PDE8B: variants seen among roughly 807,000 people sequenced by gnomAD.
PDE8B encodes the protein high affinity cAMP-specific and IBMX-insensitive 3',5'-cyclic phosphodiesterase 8B.
PDE8B carries 26 observed loss-of-function variants against 101.3 expected under a neutral mutation model. The ratio of observed to expected loss-of-function variants is 0.26; its 90% CI spans 0.19 to 0.36. The LOEUF is 0.36. Among genes scored for constraint, PDE8B ranks in the 10% least tolerant of loss-of-function variants. The pLI is 1.00. For missense variants in PDE8B, 810 were observed against 1,163.1 expected, an observed-to-expected ratio of 0.70 and a Z score of 4.42; for synonymous variants, 424 against 429.3, an observed-to-expected ratio of 0.99 and a Z score of 0.15.
chr5:77,121,263 TA>T, the PDE8B span, among the ~76,000 whole-genome samples: 1 of 152,196 alleles, frequency 6.6e-6, no homozygotes, highest in Admixed American at 6.5e-5. Flanking sequence ...GGTGGTGCAT[TA>T]CATGGCCCTT....
At chr5:77,107,228 A>G in the PDE8B span, among the ~76,000 whole-genome samples, 2 of 152,192 alleles carry the variant, frequency 1.3e-5, no homozygotes, top group Non-Finnish European at 2.9e-5. Context: ...AAAGGACACG[A>G]ACTCATCCTT....
chr5:77,392,037 G>A (rs551546875), intron 10 of PDE8B, among the ~76,000 whole-genome samples: 2 of 152,288 alleles, frequency 1.3e-5, no homozygotes, highest in South Asian at 2.1e-4. Flanking sequence ...AAATAAAAAT[G>A]TCCCATAATT....
chr5:77,350,216 A>C (rs1159962926), intron 8 of PDE8B, among the ~76,000 whole-genome samples: 1 of 152,214 alleles, frequency 6.6e-6, no homozygotes, highest in African/African-American at 2.4e-5. Flanking sequence ...GATGTGAAGT[A>C]GTTAAATAAG....
intron 10 of PDE8B, among the ~76,000 whole-genome samples, chr5:77,379,095 TCTGTAAAGGCTCTTGCAAA>T (rs1301103478): frequency 6.6e-6 from 1 of 152,212 alleles, no homozygotes; most frequent in African/African-American, 2.4e-5. Context: ...ACAGTACTTC[TCTGTAAAGGCTCTTGCAAA>T]TATGTGTAGA....
At chr5:77,362,873 C>A (rs59062505) in intron 10 of PDE8B, among the ~76,000 whole-genome samples, 9 of 152,076 alleles carry the variant, frequency 5.9e-5, no homozygotes, top group Non-Finnish European at 1.0e-4. Flanking sequence ...TGACTGCCCC[C>A]GGCCACCTCT....
intron 1 of PDE8B, among the ~76,000 whole-genome samples, chr5:77,234,474 C>T (rs1754271142): frequency 6.6e-6 from 1 of 152,114 alleles, no homozygotes; most frequent in African/African-American, 2.4e-5. Flanking sequence ...GTATTTAGTT[C>T]CCAGAGCAGA....
At position 77,220,107 on chromosome 5, in the gene PDE8B, C is replaced by T. The variant is rs1000923153; in HGVS notation, c.339+8843C>T. Among the ~76,000 whole-genome samples the T allele has an allele frequency of 2.0e-5, 3 of 152,308 alleles. No homozygotes were observed. In the South Asian group the frequency reaches 6.2e-4, roughly 32 times the overall value. ...GGGTCTGTGAAGCCAGTTTCAGGAC[C>T]CCTCCTCACCCAGTAGACTCTTGCA... On this transcript the variant is annotated intron_variant, in intron 1 of 21. Transcript: ENST00000264917.
intron 1 of PDE8B, among the ~76,000 whole-genome samples, chr5:77,278,474 C>G (rs963311816): frequency 4.2e-4 from 64 of 152,188 alleles, no homozygotes; most frequent in African/African-American, 1.5e-3. Context: ...AGAGATACTT[C>G]TTTTCTTTTT....
Position 77,392,287 on chromosome 5 carries a change from C to A in PDE8B, c.1168-7961C>A, listed in dbSNP as rs180757816. 6.1e-4 allele frequency among the ~76,000 whole-genome samples: 93 copies of A among 152,202 alleles called. 1 individual carries two copies. The highest frequency in any genetic ancestry group is 2.6e-3 in the Admixed American group (40 of 15,292). ...GGACAGGCCTATGCAGACCTACCCC[C>A]CAAAGTCTGAGGAAGCTGAGAGGCC... On this transcript the variant is annotated intron_variant, in intron 10 of 21. Transcript: ENST00000264917.
At chr5:77,330,193 T>G (rs776332731) in intron 4 of PDE8B, among the ~76,000 whole-genome samples, 12 of 152,214 alleles carry the variant, frequency 7.9e-5, no homozygotes, top group Non-Finnish European at 1.5e-4. Context: ...GAGATCTGAA[T>G]GAGGTCATAG....
At chr5:77,262,165 A>G (rs1455644214) in intron 1 of PDE8B, among the ~76,000 whole-genome samples, 1 of 151,900 alleles carries the variant, frequency 6.6e-6, no homozygotes, top group South Asian at 2.1e-4. Flanking sequence ...GTATGGGAAC[A>G]GGGGTGGCAC....
chr5:77,221,087 T>C (rs1310429615), intron 1 of PDE8B, among the ~76,000 whole-genome samples: 1 of 152,232 alleles, frequency 6.6e-6, no homozygotes, highest in Admixed American at 6.5e-5. Flanking sequence ...TAACTAGAAC[T>C]GTTTTTAAAA....
the PDE8B span, chr5:77,147,134 G>C: frequency 3.7e-6 from 1 of 270,080 alleles, no homozygotes; most frequent in Admixed American, 4.7e-5. Context: ...AGAAGAGGAA[G>C]ATGAAGATGA....
At chr5:77,215,690 G>A (rs540853034) in intron 1 of PDE8B, among the ~76,000 whole-genome samples, 1 of 152,336 alleles carries the variant, frequency 6.6e-6, no homozygotes, top group Admixed American at 6.5e-5. Context: ...TGCTGGTGAG[G>A]GCAGGGCAGA....
the PDE8B span, among the ~76,000 whole-genome samples, chr5:77,180,111 A>G: frequency 1.7e-4 from 26 of 152,136 alleles, no homozygotes; most frequent in East Asian, 4.5e-3. Flanking sequence ...AGTCCCAAGA[A>G]AGGCTCCAGG....
intron 10 of PDE8B, among the ~76,000 whole-genome samples, chr5:77,372,887 G>A (rs1035053040): frequency 6.6e-5 from 10 of 152,216 alleles, no homozygotes; most frequent in South Asian, 4.1e-4. Context: ...AATTAGCTGG[G>A]TGTAGCGGCG....
At chr5:77,292,250 G>T (rs962147826) in intron 1 of PDE8B, among the ~76,000 whole-genome samples, 3 of 152,170 alleles carry the variant, frequency 2.0e-5, no homozygotes, top group African/African-American at 7.2e-5. Context: ...TCTGACTGTG[G>T]CTGGGTGGAG....
In PDE8B at chr5:77,424,222, C is replaced by G. The variant is rs560456129; in HGVS notation, c.2419-1545C>G. ...TCATCAATGGGCTTCCCCGGACCCA[C>G]AGAGAGAGGACCTGACGTACTACTC... On this transcript the variant is annotated intron_variant, in intron 20 of 21. Coordinates refer to ENST00000264917, the MANE Select transcript of PDE8B (RefSeq NM_003719.5). Among the ~76,000 whole-genome samples, 70 of 152,160 alleles carry G rather than the reference C, an allele frequency of 4.6e-4. 1 individual carries two copies. Among genetic ancestry groups the G allele is most frequent in the Non-Finnish European group, 5.1e-4 (35 of 68,030 alleles).
At chr5:77,108,803 C>T in the PDE8B span, among the ~76,000 whole-genome samples, 1 of 151,186 alleles carries the variant, frequency 6.6e-6, no homozygotes, top group Admixed American at 6.6e-5. Context: ...TTATCTGCAC[C>T]ACATTCAACA....
Sources: allele counts gnomAD v4.1 joint callset (sites outside exome capture counted in the v4.1 genomes callset), GRCh38; gene constraint gnomAD v4.1.1; transcripts MANE v1.5; gene names NCBI Gene and HGNC (gene_info 2026-07-23, HGNC 2026-07-21).